The following CCDC148 variants were observed in gnomAD, a reference collection of about 807,000 sequenced individuals.
The protein encoded by CCDC148 is coiled-coil domain containing 148.
CCDC148 carries 89 observed loss-of-function variants against 85.7 expected under a neutral mutation model. That is an observed-to-expected ratio of 1.04 (90% CI 0.87 to 1.24). The LOEUF (loss-of-function observed/expected upper bound fraction) is 1.24, where lower values mean the gene tolerates loss of function less well. Among genes scored for constraint, CCDC148 ranks in the 50% most tolerant of loss-of-function variants. The pLI is 0.00. For synonymous variants in CCDC148, 230 were observed against 213.9 expected (o/e 1.08, Z -0.66); for missense variants, 692 against 671.7 (o/e 1.03, Z -0.33).
chr2:158,280,297 G>A (rs1010192999), intron 9 of CCDC148, among the ~76,000 whole-genome samples: 4 of 152,084 alleles, frequency 2.6e-5, no homozygotes, highest in Admixed American at 2.0e-4. Flanking sequence ...AAATGTAAAT[G>A]GACTAAATGC....
intron 1 of CCDC148, among the ~76,000 whole-genome samples, chr2:158,370,559 G>A (rs549351680): frequency 7.2e-5 from 11 of 152,024 alleles, no homozygotes; most frequent in African/African-American, 2.6e-4. Flanking sequence ...AAGTCCAGCT[G>A]AAGCAATATT....
intron 2 of CCDC148, among the ~76,000 whole-genome samples, chr2:158,351,177 C>T (rs1683250676): frequency 6.6e-6 from 1 of 152,182 alleles, no homozygotes; most frequent in Non-Finnish European, 1.5e-5. Context: ...AACACTGACT[C>T]CTCTCCCTCC....
rs1013136015 is a variant in CCDC148, at chr2:158,333,069, T to C, written c.764+5657A>G. Among the ~76,000 whole-genome samples, 8 of 152,312 alleles carry C rather than the reference T, an allele frequency of 5.3e-5. No homozygotes were observed. In the South Asian group the frequency reaches 6.2e-4, roughly 12 times the overall value. ...CTGATCTTAGTTATTTCTTGTCTTC[T>C]GCTAGCTTTTGAATGTGTTTGCTCT... On this transcript the variant is annotated intron_variant, in intron 7 of 13. Transcript: ENST00000283233.
intron 3 of CCDC148, 111 bp downstream of exon 3, chr2:158,345,104 T>A (rs1682926415): frequency 1.4e-6 from 1 of 697,924 alleles, no homozygotes; most frequent in Non-Finnish European, 2.3e-6. Context: ...ATCGTAACTT[T>A]AAATTTTTAT....
chr2:158,351,847 C>T (rs868654094), intron 2 of CCDC148, among the ~76,000 whole-genome samples: 105 of 141,112 alleles, frequency 7.4e-4, no homozygotes, highest in Middle Eastern at 3.4e-3. Flanking sequence ...TTGAAGAGAG[C>T]AGTGGTTCTC....
intron 9 of CCDC148, among the ~76,000 whole-genome samples, chr2:158,261,050 T>C (rs1689200781): frequency 6.6e-6 from 1 of 151,812 alleles, no homozygotes; most frequent in Non-Finnish European, 1.5e-5. Flanking sequence ...AGAGCCCAAA[T>C]AGCCAAGACA....
At chr2:158,320,775 T>C (rs1307759460) in intron 7 of CCDC148, among the ~76,000 whole-genome samples, 1 of 152,176 alleles carries the variant, frequency 6.6e-6, no homozygotes, top group Non-Finnish European at 1.5e-5. Flanking sequence ...TAAATGATTT[T>C]CACCTCTTCA....
chr2:158,439,011 CTT>C (rs1447128665), intron 1 of CCDC148, among the ~76,000 whole-genome samples: 1 of 152,176 alleles, frequency 6.6e-6, no homozygotes, highest in Non-Finnish European at 1.5e-5. Context: ...AATAGGAACA[CTT>C]TTACACTGTT....
At chr2:158,424,561 C>CT (rs1209749424) in intron 1 of CCDC148, among the ~76,000 whole-genome samples, 7 of 151,720 alleles carry the variant, frequency 4.6e-5, no homozygotes, top group Non-Finnish European at 7.4e-5. Context: ...ACACCAGGGC[C>CT]TGTCATGGGG....
At position 158,196,555 on chromosome 2, in the gene CCDC148, A is replaced by G. The variant is rs16842745; in HGVS notation, c.1371-17559T>C. Among the ~76,000 whole-genome samples the G allele has an allele frequency of 2.6e-3, 397 of 152,266 alleles. 1 individual carries two copies. The highest frequency in any genetic ancestry group is 8.9e-3 in the African/African-American group (372 of 41,568). On this transcript the variant is annotated intron_variant, in intron 11 of 13. Transcript: ENST00000283233. ...ACCATGGTTATGGGTCAAATTTCCC[A>G]TCTTTACTTAAAACTTTCTCACTGC...
chr2:158,263,570 G>A (rs1035414111), intron 9 of CCDC148, among the ~76,000 whole-genome samples: 1 of 151,928 alleles, frequency 6.6e-6, no homozygotes, highest in African/African-American at 2.4e-5. Flanking sequence ...AGACACTTGT[G>A]ATCTTACAAA....
intron 7 of CCDC148, among the ~76,000 whole-genome samples, chr2:158,319,765 T>C (rs1018253743): frequency 6.6e-6 from 1 of 152,186 alleles, no homozygotes; most frequent in South Asian, 2.1e-4. Flanking sequence ...TATGAAAGGA[T>C]GTAGAGATGA....
intron 11 of CCDC148, among the ~76,000 whole-genome samples, chr2:158,198,548 T>C (rs1174176708): frequency 6.6e-6 from 1 of 152,194 alleles, no homozygotes; most frequent in Admixed American, 6.6e-5. Context: ...TGCGAATTCA[T>C]GATGATTTTA....
At chr2:158,363,464 C>G (rs143758565) in intron 1 of CCDC148, among the ~76,000 whole-genome samples, 1 of 152,196 alleles carries the variant, frequency 6.6e-6, no homozygotes, top group East Asian at 1.9e-4. Context: ...AGCTTATCCA[C>G]CATGATCAAG....
At position 158,353,396 on chromosome 2, in the gene CCDC148, T is replaced by C. The variant is rs1463630714; in HGVS notation, c.147+5053A>G. Among the ~76,000 whole-genome samples, 9 of 149,202 alleles carry C rather than the reference T, an allele frequency of 6.0e-5. No individual in the cohort carries two copies. The East Asian group carries it at 1.6e-3, about 26-fold the overall frequency. On this transcript the variant is annotated intron_variant, in intron 2 of 13. Transcript: ENST00000283233. ...GATGGAGGAAGATCTACCAAGCAAA[T>C]GGAAAACAAAAAAAGGCAGGGGTTG...
At chr2:158,429,587 C>A (rs944017121) in intron 1 of CCDC148, among the ~76,000 whole-genome samples, 1 of 152,068 alleles carries the variant, frequency 6.6e-6, no homozygotes, top group South Asian at 2.1e-4. Context: ...ACATCCAATG[C>A]GTAAGTGCAT....
chr2:158,283,649 G>A (rs1690457036), intron 9 of CCDC148, among the ~76,000 whole-genome samples: 1 of 152,166 alleles, frequency 6.6e-6, no homozygotes, highest in African/African-American at 2.4e-5. Flanking sequence ...AGGATGTGGA[G>A]AAATAGGAAC....
chr2:158,426,400 G>A (rs535004958), intron 1 of CCDC148, among the ~76,000 whole-genome samples: 1 of 152,184 alleles, frequency 6.6e-6, no homozygotes, highest in Non-Finnish European at 1.5e-5. Flanking sequence ...TTTTAATGTA[G>A]TTAGTGAATA....
intron 7 of CCDC148, among the ~76,000 whole-genome samples, chr2:158,332,891 T>TC (rs1693214691): frequency 1.9e-4 from 1 of 5,384 alleles, no homozygotes; most frequent in Non-Finnish European, 4.4e-4. Context: ...CCCTATAACA[T>TC]GTTTTTTTGT....
Sources: gnomAD v4.1 joint callset for allele counts (sites outside exome capture counted in the v4.1 genomes callset) on GRCh38, gnomAD v4.1.1 for gene constraint, MANE v1.5 for transcripts, NCBI Gene and HGNC (gene_info 2026-07-23, HGNC 2026-07-21) for gene names.